Variants in HNMT observed in about 807,000 individuals in gnomAD.
The protein encoded by HNMT is histamine N-methyltransferase.
A neutral mutation model predicts 32.1 loss-of-function variants in HNMT; 30 were observed. The ratio of observed to expected loss-of-function variants is 0.93; its 90% confidence interval spans 0.70 to 1.27. The LOEUF (loss-of-function observed/expected upper bound fraction) is 1.27, where lower values mean the gene tolerates loss of function less well. Ranked by LOEUF, HNMT falls within the 50% of genes most tolerant of loss-of-function variation. The probability of loss-of-function intolerance (pLI) is 0.00; values close to 1 mark genes in which losing one functional copy is unlikely to be tolerated. For missense variants in HNMT, 327 were observed against 346.0 expected, an observed-to-expected ratio of 0.95 and a Z score of 0.43; for synonymous variants, 125 against 119.0, an observed-to-expected ratio of 1.05 and a Z score of -0.33.
chr2:137,985,950 C>T (rs771532548), intron 2 of HNMT, among the ~76,000 whole-genome samples: 14 of 152,080 alleles, frequency 9.2e-5, no homozygotes, highest in Admixed American at 1.3e-4. Flanking sequence ...GCCTGGGCGA[C>T]AGAGCGAGAC....
intron 2 of HNMT, chr2:137,981,828 T>C (rs1439715581): frequency 6.4e-6 from 1 of 155,648 alleles, no homozygotes; most frequent in African/African-American, 2.4e-5. Flanking sequence ...TTGCGTTCTT[T>C]TGTCTCTCTA....
intron 5 of HNMT, among the ~76,000 whole-genome samples, chr2:138,011,858 G>A (rs1286705314): frequency 1.3e-5 from 2 of 151,996 alleles, no homozygotes; most frequent in Non-Finnish European, 2.9e-5. Flanking sequence ...GTCTATAAAT[G>A]GATTATATTA....
In HNMT at chr2:138,002,170, G is replaced by A. The variant is rs1012181167; in HGVS notation, c.405G>A (p.Lys135=). 6.3e-7 allele frequency: 1 copy of A among 1,586,614 alleles called. No individual in the cohort carries two copies. The highest frequency in any genetic ancestry group is 8.6e-7 in the Non-Finnish European group (1 of 1,159,956). ...SRMLEKKELQ[K]WDFIHMIQML... ...TGTTGGAGAAAAAGGAGCTTCAAAA[G>A]TGGGACTTTATTCATATGATTCAAG... Residue 135 remains lysine (K), a synonymous_variant, in exon 4 of 6, where the codon AAG becomes AAA. Coordinates refer to ENST00000280097, the MANE Select transcript of HNMT (RefSeq NM_006895.3).
intron 4 of HNMT, among the ~76,000 whole-genome samples, chr2:138,003,704 A>G (rs1681250636): frequency 6.6e-6 from 1 of 152,026 alleles, no homozygotes; most frequent in African/African-American, 2.4e-5. Context: ...ACCTCACTTC[A>G]TAATGTATAG....
chr2:138,014,126 C>T lies in HNMT; in HGVS notation c.875C>T (p.Ala292Val), dbSNP rs1258651624. ...ACTCTGAGTTTCATAGTGATTGAGG[C>T]ATAACTATCAATCACAAAAGTATAT... The part of the protein sequence containing the change: ...NNTLSFIVIE[A>V] Residue 292 changes from alanine to valine, a missense_variant, in exon 6 of 6, where the codon GCA becomes GTA. By Grantham distance (64) the Ala-to-Val change is moderately conservative. Coordinates refer to ENST00000280097, the MANE Select transcript of HNMT (RefSeq NM_006895.3). The T allele has an allele frequency of 2.0e-6, 3 of 1,492,512 alleles. No homozygotes were observed. Among genetic ancestry groups the T allele is most frequent in the Non-Finnish European group, 2.7e-6 (3 of 1,091,152 alleles). The allele number at this position is 1,492,512 out of a possible 1,614,324, so 92.5% of individuals were successfully genotyped here.
chr2:137,992,243 T>C (rs1418768507), intron 2 of HNMT, among the ~76,000 whole-genome samples: 1 of 152,172 alleles, frequency 6.6e-6, no homozygotes, highest in African/African-American at 2.4e-5. Context: ...CTGCCTGCTG[T>C]CAAAGCTATT....
At chr2:138,006,467 A>G (rs1392428760) in intron 5 of HNMT, among the ~76,000 whole-genome samples, 1 of 151,996 alleles carries the variant, frequency 6.6e-6, no homozygotes, top group Non-Finnish European at 1.5e-5. Flanking sequence ...ATTCTAACAT[A>G]TTTTCAGAAA....
rs1681598504 is a variant in HNMT, at chr2:138,014,242, T to G, written c.*112T>G. On this transcript the variant is annotated 3_prime_UTR_variant, in exon 6 of 6. Coordinates refer to ENST00000280097, the MANE Select transcript of HNMT (RefSeq NM_006895.3). ...CCATTAATGTAGATAAAGCACTGTT[T>G]GGATATGAGATGTAGCAAATTCCAA... is the stretch of plus-strand genomic sequence containing the variant. 1.4e-6 allele frequency: 1 copy of G among 710,314 alleles called. No homozygotes were observed. The highest frequency in any genetic ancestry group is 2.7e-5 in the East Asian group (1 of 36,944). The allele number at this position is 710,314 out of a possible 1,614,324, so 44.0% of individuals were successfully genotyped here. A position where few individuals can be genotyped will look rare whatever the true frequency, so the allele number is the denominator to read the frequency against.
intron 2 of HNMT, among the ~76,000 whole-genome samples, chr2:137,971,122 T>A (rs1157580255): frequency 6.6e-6 from 1 of 152,094 alleles, no homozygotes; most frequent in Non-Finnish European, 1.5e-5. Flanking sequence ...GTTCCCTTCC[T>A]CTTACTCAGT....
At chr2:137,996,207 A>G (rs535394201) in intron 2 of HNMT, among the ~76,000 whole-genome samples, 2 of 152,356 alleles carry the variant, frequency 1.3e-5, no homozygotes, top group African/African-American at 4.8e-5. Flanking sequence ...AAGGTATTCA[A>G]ATAGGAAGAG....
chr2:138,001,035 A>C lies in HNMT; in HGVS notation c.298+10A>C, dbSNP rs1681154784. On this transcript the variant is annotated intron_variant, in intron 3 of 5. Transcript: ENST00000280097. ...ATTGCCAAATACAAAGGTACCTGTA[A>C]CTCCTGGTCCTCTACACCAGATCCT... The C allele has an allele frequency of 6.8e-7, 1 of 1,469,836 alleles. No individual in the cohort carries two copies. Among genetic ancestry groups the C allele is most frequent in the Admixed American group, 1.7e-5 (1 of 57,346 alleles). 91.0% of individuals were successfully genotyped at this position (1,469,836 alleles called of 1,614,324 possible).
intron 2 of HNMT, among the ~76,000 whole-genome samples, chr2:137,995,280 A>G (rs1289872348): frequency 6.6e-6 from 1 of 152,108 alleles, no homozygotes; most frequent in South Asian, 2.1e-4. Flanking sequence ...TAGACTAATA[A>G]AGGAGAAAAG....
chr2:138,008,836 A>T (rs1349036142), intron 5 of HNMT, among the ~76,000 whole-genome samples: 1 of 152,066 alleles, frequency 6.6e-6, no homozygotes, highest in East Asian at 1.9e-4. Flanking sequence ...AGGCAATACC[A>T]TCCTGCACAT....
chr2:137,965,309 T>G (rs1679923652), intron 1 of HNMT, among the ~76,000 whole-genome samples: 1 of 152,182 alleles, frequency 6.6e-6, no homozygotes, highest in Admixed American at 6.5e-5. Flanking sequence ...AGTAACAGAT[T>G]CCACATGCTA....
chr2:137,967,088 G>C (rs763871429), intron 1 of HNMT: 1 of 780,552 alleles, frequency 1.3e-6, no homozygotes, highest in Non-Finnish European at 2.4e-6. Context: ...CTTTTCCACT[G>C]TCTTTTAGAT....
At chr2:137,993,397 TC>T (rs962748066) in intron 2 of HNMT, among the ~76,000 whole-genome samples, 5 of 151,968 alleles carry the variant, frequency 3.3e-5, no homozygotes, top group African/African-American at 1.2e-4. Flanking sequence ...CACGAGAACT[TC>T]CTGAAGCATA....
chr2:137,987,178 T>C (rs1180066713), intron 2 of HNMT, among the ~76,000 whole-genome samples: 1 of 152,180 alleles, frequency 6.6e-6, no homozygotes, highest in Non-Finnish European at 1.5e-5. Context: ...TGTTGGTGTG[T>C]ATGTATCTAA....
intron 2 of HNMT, among the ~76,000 whole-genome samples, chr2:137,988,262 G>T (rs1353612266): frequency 6.6e-6 from 1 of 152,198 alleles, no homozygotes; most frequent in Non-Finnish European, 1.5e-5. Context: ...ATCATGGTAA[G>T]TGCTTTGAGG....
chr2:137,964,775 C>T, intron 1 of HNMT, 147 bp downstream of exon 1: 1 of 724,448 alleles, frequency 1.4e-6, no homozygotes, highest in Non-Finnish European at 2.3e-6. Flanking sequence ...CTCCTCGCTG[C>T]CCTGCCCTGC....
Sources: gnomAD v4.1 joint callset for allele counts (sites outside exome capture counted in the v4.1 genomes callset) on GRCh38, gnomAD v4.1.1 for gene constraint, MANE v1.5 for transcripts, NCBI Gene and HGNC (gene_info 2026-07-23, HGNC 2026-07-21) for gene names.